CDH19: variants seen among roughly 807,000 people sequenced by gnomAD.
CDH19 encodes the protein cadherin 19, also known as cadherin-19.
Under a neutral mutation model 64.2 loss-of-function variants are expected in CDH19, and 67 were observed. The observed-to-expected ratio is 1.04, with a 90% CI of 0.86 to 1.28. The LOEUF is 1.28. Ranked by LOEUF, CDH19 falls within the 50% of genes most tolerant of loss-of-function variation. The pLI, the probability that CDH19 is intolerant of heterozygous loss-of-function variation, is 0.00. For synonymous variants in CDH19, 346 were observed against 319.3 expected, an observed-to-expected ratio of 1.08 and a Z score of -0.89; for missense variants, 1,030 against 929.0, an observed-to-expected ratio of 1.11 and a Z score of -1.41.
intron 1 of CDH19, among the ~76,000 whole-genome samples, chr18:66,597,669 C>T (rs1988936389): frequency 6.6e-6 from 1 of 152,120 alleles, no homozygotes; most frequent in Non-Finnish European, 1.5e-5. Flanking sequence ...AGACAACACA[C>T]AGAATCAGAG....
intron 2 of CDH19, among the ~76,000 whole-genome samples, chr18:66,570,134 G>A (rs1988055834): frequency 6.6e-6 from 1 of 151,488 alleles, no homozygotes; most frequent in African/African-American, 2.4e-5. Context: ...TATATCAAGT[G>A]AGCAATGTAT....
Position 66,509,460 on chromosome 18 carries a change from AT to A in CDH19, c.1577-215del, listed in dbSNP as rs1426468987. ...AAACCCTAATTATGTAATCAGATGA[AT>A]TATTTAAATTATGTAGTAAAATTAC... is the stretch of plus-strand genomic sequence containing the variant. On this transcript the variant is annotated intron_variant, in intron 10 of 11. Transcript: ENST00000262150. Among the ~76,000 whole-genome samples the A allele has an allele frequency of 5.9e-5, 9 of 151,846 alleles. 1 individual carries two copies.
intron 1 of CDH19, among the ~76,000 whole-genome samples, chr18:66,603,449 T>C (rs1348572620): frequency 6.6e-6 from 1 of 151,564 alleles, no homozygotes; most frequent in Admixed American, 6.6e-5. Flanking sequence ...GCAATGCTAA[T>C]ATTTTAATTT....
intron 8 of CDH19, 37 bp downstream of exon 8, chr18:66,534,949 G>T: frequency 7.3e-7 from 1 of 1,373,432 alleles, no homozygotes; most frequent in Non-Finnish European, 9.6e-7. Context: ...TACAAAATAT[G>T]GCAAACAACT....
chr18:66,590,356 T>A (rs902126458), intron 1 of CDH19, among the ~76,000 whole-genome samples: 13 of 151,976 alleles, frequency 8.6e-5, no homozygotes, highest in Admixed American at 2.6e-4. Context: ...TGTTCTATTA[T>A]GTTGCTATTT....
At chr18:66,545,001 C>G (rs529456794) in intron 5 of CDH19, 98 bp from the exon 6 acceptor site, 1 of 917,934 alleles carries the variant, frequency 1.1e-6, no homozygotes, top group Non-Finnish European at 1.6e-6. Context: ...TTTTTCGAGA[C>G]GGAGTCTCAT....
chr18:66,559,840 G>A (rs1005791965), intron 3 of CDH19, among the ~76,000 whole-genome samples: 1 of 151,558 alleles, frequency 6.6e-6, no homozygotes, highest in African/African-American at 2.4e-5. Flanking sequence ...GTAAATAGAT[G>A]AAAATACTGG....
chr18:66,568,767 A>C, intron 2 of CDH19, 57 bp from the exon 3 acceptor site: 1 of 1,373,162 alleles, frequency 7.3e-7, no homozygotes, highest in Non-Finnish European at 9.8e-7. Flanking sequence ...GACAAATCAA[A>C]ATCAAGATTT....
intron 1 of CDH19, among the ~76,000 whole-genome samples, chr18:66,597,886 C>T (rs1273513073): frequency 6.6e-6 from 1 of 151,984 alleles, no homozygotes; most frequent in Non-Finnish European, 1.5e-5. Context: ...ACACCTGGGC[C>T]TGTCATGGGG....
At chr18:66,553,535 A>G (rs181617198) in intron 4 of CDH19, among the ~76,000 whole-genome samples, 1 of 134,524 alleles carries the variant, frequency 7.4e-6, no homozygotes, top group East Asian at 1.9e-4. Context: ...AAATGTTTAA[A>G]GATCCAACAC....
At chr18:66,518,337 G>A (rs183985748) in intron 9 of CDH19, among the ~76,000 whole-genome samples, 19 of 151,946 alleles carry the variant, frequency 1.3e-4, no homozygotes, top group Admixed American at 3.3e-4. Context: ...AGGTTCAAGC[G>A]ATTCTCCTGC....
At chr18:66,583,003 T>G (rs2144607393) in intron 1 of CDH19, among the ~76,000 whole-genome samples, 1 of 152,182 alleles carries the variant, frequency 6.6e-6, no homozygotes, top group African/African-American at 2.4e-5. Flanking sequence ...CACTTTTTAT[T>G]CCCCTCCACA....
intron 1 of CDH19, among the ~76,000 whole-genome samples, chr18:66,598,307 T>C (rs547827213): frequency 8.5e-5 from 13 of 152,234 alleles, no homozygotes; most frequent in Non-Finnish European, 1.8e-4. Context: ...ATCACTACCA[T>C]TCAACTCAGC....
At chr18:66,536,608 AC>A (rs1986681537) in intron 7 of CDH19, among the ~76,000 whole-genome samples, 1 of 151,824 alleles carries the variant, frequency 6.6e-6, no homozygotes, top group South Asian at 2.1e-4. Context: ...AGCCACATAA[AC>A]AATAAATTGG....
chr18:66,588,605 C>CATATATATATATATATATATATAT lies in CDH19; in HGVS notation c.-113+15348_-113+15349insATATATATATATATATATATATAT, dbSNP rs1263242803. Among the ~76,000 whole-genome samples the CATATATATATATATATATATATAT allele has an allele frequency of 4.2e-4, 49 of 116,770 alleles. 5 individuals carry two copies. Among genetic ancestry groups the CATATATATATATATATATATATAT allele is most frequent in the East Asian group, 9.6e-4 (4 of 4,168 alleles). 76.6% of individuals were successfully genotyped at this position (116,770 alleles called of 152,430 possible). The stretch of plus-strand genomic sequence containing the variant: ...AATGATCTTACTCATTTTTACTAAT[C>CATATATATATATATATATATATAT]ATATATATCTATATCTATATCTATA... On this transcript the variant is annotated intron_variant, in intron 1 of 11. Coordinates refer to ENST00000262150, the MANE Select transcript of CDH19 (RefSeq NM_021153.4).
At chr18:66,561,895 T>C (rs1987736480) in intron 3 of CDH19, among the ~76,000 whole-genome samples, 1 of 152,140 alleles carries the variant, frequency 6.6e-6, no homozygotes, top group Admixed American at 6.6e-5. Flanking sequence ...CTGGAGAGAC[T>C]TTTCATAATT....
At chr18:66,594,843 T>C (rs1437686361) in intron 1 of CDH19, among the ~76,000 whole-genome samples, 16 of 103,726 alleles carry the variant, frequency 1.5e-4, no homozygotes, top group African/African-American at 6.3e-4. Flanking sequence ...CATCACACTC[T>C]GGGGACTGTT....
At chr18:66,533,712 C>T (rs1408268949) in intron 8 of CDH19, among the ~76,000 whole-genome samples, 7 of 151,962 alleles carry the variant, frequency 4.6e-5, no homozygotes, top group South Asian at 2.1e-4. Context: ...CTAAGCACAA[C>T]GAACTTCATT....
Position 66,543,886 on chromosome 18 carries a change from T to C in CDH19, c.1214+85A>G, listed in dbSNP as rs898509988. 2.9e-6 allele frequency: 3 copies of C among 1,044,382 alleles called. No homozygotes were observed. The East Asian group carries it at 8.0e-5, about 28-fold the overall frequency. The allele number at this position is 1,044,382 out of a possible 1,614,324, so 64.7% of individuals were successfully genotyped here. On this transcript the variant is annotated intron_variant, in intron 7 of 11. Transcript: ENST00000262150. ...AGACAGAGTGAGACTCCCTCTCAAT[T>C]AAAAAAAAGATTGCATGCAATTTTA...
Sources: allele counts gnomAD v4.1 joint callset (sites outside exome capture counted in the v4.1 genomes callset), GRCh38; gene constraint gnomAD v4.1.1; transcripts MANE v1.5; gene names NCBI Gene and HGNC (gene_info 2026-07-23, HGNC 2026-07-21).